The following FBXL4 variants were observed in gnomAD, a reference collection of about 807,000 sequenced individuals.
FBXL4 encodes F-box and leucine rich repeat protein 4, also known as F-box/LRR-repeat protein 4.
A neutral mutation model predicts 58.9 loss-of-function variants in FBXL4; 40 were observed. The ratio of observed to expected loss-of-function variants is 0.68; its 90% CI spans 0.53 to 0.88. The LOEUF is 0.88. Ranked by LOEUF, FBXL4 falls within the 40% of genes least tolerant of loss-of-function variation. The pLI, the probability that FBXL4 is intolerant of heterozygous loss-of-function variation, is 0.00. For missense variants in FBXL4, 676 were observed against 734.4 expected, an observed-to-expected ratio of 0.92 and a Z score of 0.92; for synonymous variants, 263 against 265.5, an observed-to-expected ratio of 0.99 and a Z score of 0.09.
chr6:98,899,245 T>A (rs201790116), intron 7 of FBXL4, 23 bp downstream of exon 7: 1 of 1,609,200 alleles, frequency 6.2e-7, no homozygotes, highest in East Asian at 2.2e-5. Context: ...ATAGCAATGA[T>A]GAAAATTATG....
At chr6:98,900,881 C>T (rs1771583213) in intron 6 of FBXL4, among the ~76,000 whole-genome samples, 1 of 152,172 alleles carries the variant, frequency 6.6e-6, no homozygotes, top group South Asian at 2.1e-4. Context: ...ACACTCCTCA[C>T]ATAACTCCCT....
intron 1 of FBXL4, 78 bp downstream of exon 1, chr6:98,947,727 GC>G (rs1387114255): frequency 6.6e-6 from 1 of 151,778 alleles, no homozygotes; most frequent in Admixed American, 6.6e-5. Flanking sequence ...CTGCGCGCTG[GC>G]TCGGCCCCGG....
chr6:98,918,984 C>T (rs551509815), intron 4 of FBXL4, among the ~76,000 whole-genome samples: 4 of 151,816 alleles, frequency 2.6e-5, no homozygotes, highest in African/African-American at 9.7e-5. Context: ...TCGTTTATTT[C>T]CCTGGCCCAA....
chr6:98,941,813 C>T (rs535347190), intron 1 of FBXL4, among the ~76,000 whole-genome samples: 1 of 152,254 alleles, frequency 6.6e-6, no homozygotes, highest in East Asian at 1.9e-4. Flanking sequence ...TAAGCAATTA[C>T]AGCAAATGGC....
chr6:98,946,858 ATC>A (rs1773638299), intron 1 of FBXL4, among the ~76,000 whole-genome samples: 1 of 152,214 alleles, frequency 6.6e-6, no homozygotes, highest in Non-Finnish European at 1.5e-5. Context: ...CTCTGGATGA[ATC>A]TCTCTCTACT....
chr6:98,920,514 A>C (rs1407117435), intron 4 of FBXL4, among the ~76,000 whole-genome samples: 1 of 152,032 alleles, frequency 6.6e-6, no homozygotes, highest in African/African-American at 2.4e-5. Context: ...TTTTACTTTT[A>C]TTTTTCTTGA....
At chr6:98,877,534 T>C (rs1770702170) in intron 8 of FBXL4, among the ~76,000 whole-genome samples, 1 of 152,184 alleles carries the variant, frequency 6.6e-6, no homozygotes, top group Admixed American at 6.5e-5. Context: ...ACTAAATACT[T>C]TTTACTGGAA....
chr6:98,938,351 A>C (rs1371224462), intron 1 of FBXL4, among the ~76,000 whole-genome samples: 3 of 152,152 alleles, frequency 2.0e-5, no homozygotes, highest in Non-Finnish European at 4.4e-5. Context: ...TGAATTAGGG[A>C]CATTGCATTT....
At chr6:98,915,687 A>G (rs1175718429) in intron 5 of FBXL4, among the ~76,000 whole-genome samples, 2 of 152,210 alleles carry the variant, frequency 1.3e-5, no homozygotes, top group Admixed American at 1.3e-4. Flanking sequence ...GATTAAAGAC[A>G]TAAACGTTAG....
chr6:98,897,118 A>C (rs1771437320), intron 7 of FBXL4: 5 of 982,522 alleles, frequency 5.1e-6, no homozygotes, highest in Middle Eastern at 5.3e-4. Context: ...ACATTTAATA[A>C]TTATGCCTGC....
chr6:98,880,359 T>C (rs1259911022), intron 8 of FBXL4, among the ~76,000 whole-genome samples, 194 bp downstream of exon 8: 1 of 152,144 alleles, frequency 6.6e-6, no homozygotes, highest in East Asian at 1.9e-4. Flanking sequence ...CTCTCATGGA[T>C]AAATAATGTC....
chr6:98,947,655 G>C (rs2128415954), intron 1 of FBXL4, among the ~76,000 whole-genome samples, 151 bp downstream of exon 1: 1 of 152,140 alleles, frequency 6.6e-6, no homozygotes, highest in East Asian at 1.9e-4. Context: ...GCGGGGCCGC[G>C]GGCGGGGAGG....
chr6:98,894,941 G>C (rs1455130639), intron 7 of FBXL4, among the ~76,000 whole-genome samples: 1 of 152,158 alleles, frequency 6.6e-6, no homozygotes, highest in African/African-American at 2.4e-5. Context: ...ATGCAGGGAG[G>C]GACCCACATC....
chr6:98,938,041 CTTTTTTT>C (rs71015480), intron 1 of FBXL4, among the ~76,000 whole-genome samples: 1 of 121,080 alleles, frequency 8.3e-6, no homozygotes, highest in Non-Finnish European at 1.7e-5. Flanking sequence ...CCCCTGCACC[CTTTTTTT>C]TTTTTTTTTT....
chr6:98,895,050 G>A (rs970365686), intron 7 of FBXL4, among the ~76,000 whole-genome samples: 4 of 152,094 alleles, frequency 2.6e-5, no homozygotes, highest in Non-Finnish European at 4.4e-5. Context: ...TATGGCTAAC[G>A]ACTTAAGAAT....
At chr6:98,889,887 A>C (rs1433763035) in intron 7 of FBXL4, among the ~76,000 whole-genome samples, 1 of 152,140 alleles carries the variant, frequency 6.6e-6, no homozygotes, top group Non-Finnish European at 1.5e-5. Context: ...GCTTTTTAAG[A>C]AACGTTACCC....
At chr6:98,886,933 T>C (rs568116740) in intron 7 of FBXL4, among the ~76,000 whole-genome samples, 7 of 152,298 alleles carry the variant, frequency 4.6e-5, no homozygotes, top group African/African-American at 1.7e-4. Context: ...AAATTCCCTA[T>C]ACAATCAGTT....
chr6:98,875,158 C>A, intron 9 of FBXL4: 1 of 453,648 alleles, frequency 2.2e-6, no homozygotes, highest in Non-Finnish European at 3.9e-6. Context: ...TACAAGTAGA[C>A]CAAGAATTAA....
chr6:98,892,566 T>G (rs562532381), intron 7 of FBXL4, among the ~76,000 whole-genome samples: 1 of 152,292 alleles, frequency 6.6e-6, no homozygotes, highest in South Asian at 2.1e-4. Context: ...AACAAATTCG[T>G]AGCACTAAAT....
Sources: allele counts gnomAD v4.1 joint callset (sites outside exome capture counted in the v4.1 genomes callset), GRCh38; gene constraint gnomAD v4.1.1; transcripts MANE v1.5; gene names NCBI Gene and HGNC (gene_info 2026-07-23, HGNC 2026-07-21).